RYR3: variants seen among roughly 807,000 people sequenced by gnomAD.
The protein encoded by RYR3 is brain ryanodine receptor-calcium release channel.
In RYR3, 207 loss-of-function variants were observed where a neutral mutation model predicts 584.3. The ratio of observed to expected loss-of-function variants is 0.35; its 90% CI spans 0.32 to 0.40. The LOEUF (loss-of-function observed/expected upper bound fraction) is 0.40, where lower values mean the gene tolerates loss of function less well. RYR3 is among the 10% of genes least tolerant of loss of function. RYR3 has a pLI of 1.00. For synonymous variants in RYR3, 2,416 were observed against 2,248.5 expected (o/e 1.07, Z -2.11); for missense variants, 5,616 against 6,089.2 (o/e 0.92, Z 2.59).
chr15:33,788,304 G>C lies in RYR3; in HGVS notation c.9676G>C (p.Ala3226Pro). 1 of 1,614,024 alleles carries C rather than the reference G, an allele frequency of 6.2e-7. No homozygotes were observed. The highest frequency in any genetic ancestry group is 8.5e-7 in the Non-Finnish European group (1 of 1,179,890). The change falls in exon 67 of 104, where the codon GCT (alanine) becomes CCT (proline). Residue 3226 changes from alanine to proline, a missense_variant. Physicochemically the swap from Ala to Pro is conservative, Grantham distance 27 (BLOSUM62 -1). Coordinates refer to ENST00000634891, the MANE Select transcript of RYR3 (RefSeq NM_001036.6). ...AACTCTGGAGAAGCTGAAGAAAAAGGCTGTCAAGACGGTGCAGGAGGAGGA... is the reference window on the plus strand; with the variant it reads ...AACTCTGGAGAAGCTGAAGAAAAAGCCTGTCAAGACGGTGCAGGAGGAGGA... ...IPTLEKLKKKAVKTVQEEEQL... is the reference protein window; with the variant it reads ...IPTLEKLKKKPVKTVQEEEQL...
In RYR3 at chr15:33,663,723, C is replaced by A. The variant is rs768167812; in HGVS notation, c.5605C>A (p.Pro1869Thr). Reference protein sequence around the residue: ...TARKTKEFRSPPQEQINMLLN... With the variant: ...TARKTKEFRSTPQEQINMLLN... The stretch of plus-strand genomic sequence containing the variant: ...CCGGAAGACCAAGGAGTTCCGCTCA[C>A]CCCCACAGGAGCAGGTGAGGGTCCT... Residue 1869 changes from proline to threonine, a missense_variant, in exon 36 of 104, where the codon CCC becomes ACC. Around this residue, in one of 9 missense-constraint regions of RYR3, gnomAD observed 1,280 missense variants for 1,426.2 expected, o/e 0.90. Transcript: ENST00000634891. The A allele has an allele frequency of 1.9e-6, 3 of 1,606,840 alleles. No homozygotes were observed. The highest frequency in any genetic ancestry group is 2.5e-6 in the Non-Finnish European group (3 of 1,177,312).
At chr15:33,856,532 C>T (rs1399155994) in intron 98 of RYR3, 1 of 152,316 alleles carries the variant, frequency 6.6e-6, no homozygotes, top group Non-Finnish European at 1.5e-5. Flanking sequence ...AAGTGTGACT[C>T]AGCTCCACCA....
intron 1 of RYR3, among the ~76,000 whole-genome samples, chr15:33,443,257 TCA>T (rs2046371251): frequency 1.2e-5 from 1 of 80,506 alleles, no homozygotes; most frequent in African/African-American, 8.5e-5. Flanking sequence ...AGACTCCACC[TCA>T]AAAAAAAAAA....
intron 44 of RYR3, 71 bp downstream of exon 44, chr15:33,722,966 G>A: frequency 7.6e-7 from 1 of 1,312,060 alleles, no homozygotes; most frequent in East Asian, 2.4e-5. Flanking sequence ...GTATACGGAT[G>A]ATTTAGGAGG....
intron 1 of RYR3, among the ~76,000 whole-genome samples, chr15:33,453,218 T>C (rs1048022580): frequency 5.9e-5 from 9 of 152,204 alleles, no homozygotes; most frequent in Non-Finnish European, 1.3e-4. Context: ...GGTTAAGTGC[T>C]ATATTAAAGT....
rs1157365209 is a variant in RYR3, at chr15:33,342,025, T to C, written c.51+30929T>C. Reference sequence around the variant, plus strand: ...TTCACCTGTCCAGACCAGTGCTTCATACCTACTTAGCTCGAGAAACGAATG... The same window carrying C: ...TTCACCTGTCCAGACCAGTGCTTCACACCTACTTAGCTCGAGAAACGAATG... On this transcript the variant is annotated intron_variant, in intron 1 of 103. Coordinates refer to ENST00000634891, the MANE Select transcript of RYR3 (RefSeq NM_001036.6). Among the ~76,000 whole-genome samples the C allele has an allele frequency of 3.9e-5, 6 of 152,268 alleles. No individual in the cohort carries two copies. The East Asian group carries it at 1.2e-3, about 29-fold the overall frequency.
At chr15:33,769,986 A>G (rs1478678122) in intron 62 of RYR3, among the ~76,000 whole-genome samples, 1 of 152,046 alleles carries the variant, frequency 6.6e-6, no homozygotes, top group Non-Finnish European at 1.5e-5. Context: ...CAGTGGAAAG[A>G]ACTGACAGGG....
At position 33,662,986 on chromosome 15, in the gene RYR3, ATCT is replaced by A. The variant is rs140517846; in HGVS notation, c.5418+42_5418+44del. 12,105 of 1,557,234 alleles carry A rather than the reference ATCT, an allele frequency of 7.8e-3. 498 individuals carry two copies. The Admixed American group carries it at 0.1, about 13-fold the overall frequency. Reference sequence around the variant, plus strand: ...TGGTTAAGTGGAGGCAGGTTAATAGATCTTCTGCTTTGATCAAAATATCAGGAA... The same window carrying A: ...TGGTTAAGTGGAGGCAGGTTAATAGATCTGCTTTGATCAAAATATCAGGAA... On this transcript the variant is annotated intron_variant, in intron 35 of 103. Coordinates refer to ENST00000634891, the MANE Select transcript of RYR3 (RefSeq NM_001036.6).
intron 2 of RYR3, among the ~76,000 whole-genome samples, chr15:33,487,794 A>G (rs1330912315): frequency 1.3e-5 from 2 of 152,150 alleles, no homozygotes; most frequent in Non-Finnish European, 2.9e-5. Context: ...TTGGGATGCA[A>G]TCCTAACTAT....
intron 47 of RYR3, among the ~76,000 whole-genome samples, chr15:33,729,680 A>G (rs1046802169): frequency 6.6e-6 from 1 of 152,148 alleles, no homozygotes; most frequent in Admixed American, 6.6e-5. Flanking sequence ...TACAAAGCTC[A>G]GATACGAGAT....
chr15:33,717,267 C>T (rs56368115), intron 43 of RYR3, among the ~76,000 whole-genome samples: 112 of 152,256 alleles, frequency 7.4e-4, no homozygotes, highest in African/African-American at 2.5e-3. Context: ...TGGTTATCTA[C>T]CTGGTATTTC....
chr15:33,834,366 C>A (rs1282555979), intron 86 of RYR3, among the ~76,000 whole-genome samples: 1 of 151,334 alleles, frequency 6.6e-6, no homozygotes, highest in Non-Finnish European at 1.5e-5. Context: ...TATTCCTCTA[C>A]ATTTGGCTTT....
chr15:33,625,892 G>A (rs1211332457), intron 20 of RYR3, among the ~76,000 whole-genome samples: 1 of 152,150 alleles, frequency 6.6e-6, no homozygotes. Flanking sequence ...CAGATAAGAG[G>A]AGTCCAGAAA....
intron 10 of RYR3, among the ~76,000 whole-genome samples, chr15:33,557,396 G>A (rs995627065): frequency 3.3e-5 from 5 of 152,080 alleles, no homozygotes; most frequent in African/African-American, 1.2e-4. Context: ...ATTTTTTATT[G>A]ATTTTTTGAG....
chr15:33,471,222 G>A (rs978161738), intron 1 of RYR3, among the ~76,000 whole-genome samples: 3 of 152,180 alleles, frequency 2.0e-5, no homozygotes, highest in South Asian at 4.1e-4. Context: ...TGAGCAGAAG[G>A]TTCCAGATAG....
chr15:33,633,249 T>G, intron 24 of RYR3, 141 bp downstream of exon 24: 1 of 787,668 alleles, frequency 1.3e-6, no homozygotes, highest in Non-Finnish European at 2.0e-6. Flanking sequence ...GTTCATTATT[T>G]ATGGAATCAT....
chr15:33,825,698 A>T, intron 82 of RYR3, 22 bp downstream of exon 82: 1 of 1,270,002 alleles, frequency 7.9e-7, no homozygotes, highest in Non-Finnish European at 1.1e-6. Context: ...ATGAATGTGA[A>T]GGCCATTCTC....
intron 16 of RYR3, among the ~76,000 whole-genome samples, chr15:33,594,869 G>A (rs886235028): frequency 1.3e-5 from 2 of 152,160 alleles, no homozygotes; most frequent in Admixed American, 6.5e-5. Context: ...GATTATTACT[G>A]ATAATGTACA....
intron 1 of RYR3, among the ~76,000 whole-genome samples, chr15:33,428,844 A>G (rs2141699857): frequency 6.6e-6 from 1 of 152,332 alleles, no homozygotes; most frequent in South Asian, 2.1e-4. Context: ...TACCACATTA[A>G]GTTTTTCACA....
Sources: allele counts gnomAD v4.1 joint callset (sites outside exome capture counted in the v4.1 genomes callset), GRCh38; gene constraint gnomAD v4.1.1; regional missense constraint gnomAD v4.1.1; transcripts MANE v1.5; gene names NCBI Gene and HGNC (gene_info 2026-07-23, HGNC 2026-07-21).